Variants in CCDC57 observed in about 807,000 individuals in gnomAD.
CCDC57 encodes the protein coiled-coil domain-containing protein 57.
In CCDC57, 118 loss-of-function variants were observed where a neutral mutation model predicts 118.9. The observed-to-expected ratio is 0.99, with a 90% CI of 0.86 to 1.16. The LOEUF is 1.16. Among genes scored for constraint, CCDC57 ranks in the 50% most tolerant of loss-of-function variants. The pLI is 0.00. For missense variants in CCDC57, 1,300 were observed against 1,320.7 expected (o/e 0.98, Z 0.24); for synonymous variants, 527 against 532.9 (o/e 0.99, Z 0.15).
At chr17:82,139,396 C>T (rs951613429) in intron 16 of CCDC57, among the ~76,000 whole-genome samples, 1 of 152,196 alleles carries the variant, frequency 6.6e-6, no homozygotes, top group African/African-American at 2.4e-5. Context: ...AGACTCCTGA[C>T]CCAGGCTGGA....
At chr17:82,165,836 G>A (rs1231849537) in intron 13 of CCDC57, among the ~76,000 whole-genome samples, 1 of 152,172 alleles carries the variant, frequency 6.6e-6, no homozygotes, top group Non-Finnish European at 1.5e-5. Context: ...GCATCATCAA[G>A]GCTCTGGAAA....
At chr17:82,198,238 C>T in intron 4 of CCDC57, 76 bp downstream of exon 3, 1 of 849,798 alleles carries the variant, frequency 1.2e-6, no homozygotes, top group Non-Finnish European at 1.9e-6. Flanking sequence ...GTCTTTTCCT[C>T]AGCCCTATAT....
rs55941734 is a variant in CCDC57, at chr17:82,212,397, C to CTT, written c.-211+386_-211+387dup. Among the ~76,000 whole-genome samples, 4 of 135,138 alleles carry CTT rather than the reference C, an allele frequency of 3.0e-5. No individual in the cohort carries two copies. Among genetic ancestry groups the CTT allele is most frequent in the South Asian group, 2.2e-4 (1 of 4,588 alleles). The allele number at this position is 135,138 out of a possible 152,430, so 88.7% of individuals were successfully genotyped here. A position where few individuals can be genotyped will look rare whatever the true frequency, so the allele number is the denominator to read the frequency against. ...CGCCTCCGGCCTTTTTTTTTCCTCT[C>CTT]TTTTTTTTTTTTTTTTTTTAAACTC... On this transcript the variant is annotated intron_variant, in intron 1 of 19. Coordinates refer to ENST00000665763, the Ensembl canonical transcript of CCDC57. This position sits in a 1 kb window ranked among gnomAD's most constrained non-coding sequence, Gnocchi z 4.1.
At chr17:82,210,578 G>A (rs2050101912) in intron 1 of CCDC57, among the ~76,000 whole-genome samples, 1 of 151,758 alleles carries the variant, frequency 6.6e-6, no homozygotes, top group Non-Finnish European at 1.5e-5. Context: ...TGCTCAGGAG[G>A]CTGAGGCAGG....
At chr17:82,143,301 A>C (rs1021855506) in intron 16 of CCDC57, among the ~76,000 whole-genome samples, 5 of 152,254 alleles carry the variant, frequency 3.3e-5, no homozygotes, top group Non-Finnish European at 7.3e-5. Context: ...GAATAAAAAT[A>C]AATGTGAAAC....
chr17:82,171,344 C>A (rs1189065257), intron 13 of CCDC57, among the ~76,000 whole-genome samples: 3 of 145,008 alleles, frequency 2.1e-5, no homozygotes, highest in Non-Finnish European at 3.0e-5. Flanking sequence ...TCCATTCACA[C>A]CAAAACAGGG....
intron 14 of CCDC57, 50 bp from the exon 14 acceptor site, chr17:82,157,998 G>A (rs1268793958): frequency 1.3e-6 from 2 of 1,524,616 alleles, no homozygotes; most frequent in African/African-American, 1.4e-5. Flanking sequence ...TGGCTGGGCT[G>A]GAGCAGGCCC....
chr17:82,178,429 G>A (rs767595173), intron 11 of CCDC57, 45 bp downstream of exon 10: 27 of 1,545,192 alleles, frequency 1.7e-5, no homozygotes, highest in Middle Eastern at 1.7e-4. Flanking sequence ...TTTTCCCACC[G>A]CTGCTGTTGA....
rs2036264867 is a variant in CCDC57 at position 82,118,845 on chromosome 17, T to C, written c.2899+8847A>G. ...GAAATCTGTGATTTCTTCACCCGTA[T>C]CTAAGGTTAACCCTCTTCCGGCCAT... On this transcript the variant is annotated intron_variant, in intron 19 of 19. Coordinates refer to ENST00000665763, the Ensembl canonical transcript of CCDC57. The surrounding 1 kb of genome is among the most constrained non-coding windows in gnomAD (Gnocchi z 4.7). 6.6e-6 allele frequency among the ~76,000 whole-genome samples: 1 copy of C among 151,964 alleles called. No homozygotes were observed. The highest frequency in any genetic ancestry group is 2.4e-5 in the African/African-American group (1 of 41,356).
At chr17:82,125,425 G>A (rs973877453) in intron 19 of CCDC57, among the ~76,000 whole-genome samples, 1 of 151,718 alleles carries the variant, frequency 6.6e-6, no homozygotes, top group African/African-American at 2.4e-5. Flanking sequence ...ACCCAGACTG[G>A]AGTGCAGTGG....
intron 19 of CCDC57, chr17:82,126,285 GAAA>G (rs35272996): frequency 0.046 from 25,798 of 561,950 alleles, 557 homozygotes; most frequent in African/African-American, 0.13. Flanking sequence ...CATCTCAAAG[GAAA>G]AAAAAAAAAA....
At chr17:82,205,776 G>A (rs11659135) in intron 2 of CCDC57, among the ~76,000 whole-genome samples, 25,774 of 152,138 alleles carry the variant, frequency 0.17, 2,533 homozygotes, top group Non-Finnish European at 0.23. Context: ...CAAGTGACTC[G>A]GTGCAGCACC....
intron 16 of CCDC57, among the ~76,000 whole-genome samples, chr17:82,139,689 C>CAGAAAGCT (rs1568227582): frequency 6.6e-6 from 1 of 151,504 alleles, no homozygotes; most frequent in African/African-American, 2.4e-5. Flanking sequence ...CTGATGCTCC[C>CAGAAAGCT]CAGAAAGCTC....
At chr17:82,115,722 C>T (rs921667508) in intron 19 of CCDC57, among the ~76,000 whole-genome samples, 4 of 151,190 alleles carry the variant, frequency 2.6e-5, no homozygotes, top group Non-Finnish European at 5.9e-5. Flanking sequence ...GAGCTGAGAT[C>T]GCACCACTGC....
chr17:82,127,011 C>G (rs190739401), intron 19 of CCDC57: 12 of 985,420 alleles, frequency 1.2e-5, no homozygotes, highest in East Asian at 2.3e-4. Flanking sequence ...TCCCTCCCCC[C>G]TTCTCGCTAC....
At position 82,172,576 on chromosome 17, in the gene CCDC57, T is replaced by C; in HGVS notation, c.1729+62A>G. The C allele has an allele frequency of 9.9e-6, 14 of 1,414,150 alleles. No homozygotes were observed. The highest frequency in any genetic ancestry group is 1.4e-5 in the African/African-American group (1 of 70,308). The allele number at this position is 1,414,150 out of a possible 1,614,324, so 87.6% of individuals were successfully genotyped here. ...GCCAGTCAAGACCCATGCTCCCGTC[T>C]GTCCTCCTCCCTCCCTCTCCCCCTT... On this transcript the variant is annotated intron_variant, in intron 12 of 19. Transcript: ENST00000665763. This position sits in a 1 kb window ranked among gnomAD's most constrained non-coding sequence, Gnocchi z 5.2.
intron 2 of CCDC57, among the ~76,000 whole-genome samples, chr17:82,205,821 T>TCA (rs1333157145): frequency 1.3e-5 from 2 of 152,150 alleles, no homozygotes; most frequent in Non-Finnish European, 2.9e-5. Flanking sequence ...GCTTTATCCA[T>TCA]CACACTCAGG....
At chr17:82,154,069 G>C (rs560600734) in intron 15 of CCDC57, 33 of 152,484 alleles carry the variant, frequency 2.2e-4, no homozygotes, top group Admixed American at 6.5e-4. Context: ...AGTGGACCCA[G>C]GGATGTAACA....
In CCDC57 at chr17:82,184,541, C is replaced by G. The variant is rs189226366; in HGVS notation, c.1053-609G>C. On this transcript the variant is annotated intron_variant, in intron 8 of 19. Coordinates refer to ENST00000665763, the Ensembl canonical transcript of CCDC57. ...TAACTCAGGTAGCCACAGTACTAACCTAGGCAAGATGATACCTGCCCACTT... is the reference window on the plus strand; with the variant it reads ...TAACTCAGGTAGCCACAGTACTAACGTAGGCAAGATGATACCTGCCCACTT... Among the ~76,000 whole-genome samples the G allele has an allele frequency of 2.0e-5, 3 of 152,348 alleles. No individual in the cohort carries two copies. In the East Asian group the frequency reaches 5.8e-4, roughly 29 times the overall value.
Sources: allele counts gnomAD v4.1 joint callset (sites outside exome capture counted in the v4.1 genomes callset), GRCh38; gene constraint gnomAD v4.1.1; non-coding constraint Gnocchi (gnomAD v3.1); transcripts MANE v1.5; gene names NCBI Gene and HGNC (gene_info 2026-07-23, HGNC 2026-07-21).